LPP: variants seen among roughly 807,000 people sequenced by gnomAD.
LPP encodes LIM domain containing preferred translocation partner in lipoma, also known as lipoma-preferred partner.
LPP carries 38 observed loss-of-function variants against 60.4 expected under a neutral mutation model. The ratio of observed to expected loss-of-function variants is 0.63; its 90% CI spans 0.49 to 0.83. LPP has a LOEUF of 0.83. LPP is among the 40% of genes least tolerant of loss of function. LPP has a pLI of 0.00. For missense variants in LPP, 902 were observed against 783.6 expected (o/e 1.15, Z -1.80); for synonymous variants, 328 against 290.8 (o/e 1.13, Z -1.30).
chr3:188,706,704 T>C (rs1052950176), intron 7 of LPP, among the ~76,000 whole-genome samples: 7 of 152,220 alleles, frequency 4.6e-5, no homozygotes, highest in African/African-American at 7.2e-5. Flanking sequence ...AGAGCTCACT[T>C]GGTGTAGTGA....
chr3:188,687,173 G>A (rs548322681), intron 7 of LPP, among the ~76,000 whole-genome samples: 5 of 152,132 alleles, frequency 3.3e-5, no homozygotes, highest in Admixed American at 1.3e-4. Flanking sequence ...CATCTAGTTC[G>A]GTTTCAGCTG....
At chr3:188,197,827 G>C (rs993678702) in intron 1 of LPP, among the ~76,000 whole-genome samples, 4 of 152,184 alleles carry the variant, frequency 2.6e-5, no homozygotes, top group African/African-American at 9.7e-5. Flanking sequence ...ACCCCGTTAT[G>C]TCTGGGCTGT....
chr3:188,217,051 G>C lies in LPP; in HGVS notation c.-189-8354G>C, dbSNP rs1713915569. On this transcript the variant is annotated intron_variant, in intron 1 of 11. Coordinates refer to ENST00000617246, the MANE Select transcript of LPP (RefSeq NM_001375462.1). This position sits in a 1 kb window ranked among gnomAD's most constrained non-coding sequence, Gnocchi z 4.0. ...CAAAGAGTAAGACACACACAACAAC[G>C]ATCTCTTGGTGCTTACACGCTGCTG... Among the ~76,000 whole-genome samples the C allele has an allele frequency of 6.6e-6, 1 of 152,188 alleles. No homozygotes were observed. Among genetic ancestry groups the C allele is most frequent in the Non-Finnish European group, 1.5e-5 (1 of 68,032 alleles).
In LPP at chr3:188,388,968, G is replaced by C. The variant is rs554284838; in HGVS notation, c.-9-17144G>C. 6.0e-5 allele frequency among the ~76,000 whole-genome samples: 9 copies of C among 150,980 alleles called. 1 individual carries two copies. The South Asian group carries it at 1.9e-3, about 31-fold the overall frequency. On this transcript the variant is annotated intron_variant, in intron 3 of 11. Coordinates refer to ENST00000617246, the MANE Select transcript of LPP (RefSeq NM_001375462.1). ...TAGAGAATATGTAGGTTTATAGGAA[G>C]AGTCATAATATTGTGAATGTTAATT...
At chr3:188,656,714 A>G (rs1326880698) in intron 7 of LPP, among the ~76,000 whole-genome samples, 2 of 152,202 alleles carry the variant, frequency 1.3e-5, no homozygotes, top group African/African-American at 4.8e-5. Flanking sequence ...TTGTAAGCAC[A>G]TCACACTCAT....
intron 4 of LPP, among the ~76,000 whole-genome samples, chr3:188,411,490 G>C (rs570030429): frequency 6.6e-6 from 1 of 152,188 alleles, no homozygotes; most frequent in East Asian, 1.9e-4. Flanking sequence ...AATTCTTAAA[G>C]ATTTTATAGT....
intron 6 of LPP, among the ~76,000 whole-genome samples, chr3:188,543,399 A>G (rs913993706): frequency 6.6e-6 from 1 of 152,212 alleles, no homozygotes; most frequent in African/African-American, 2.4e-5. Context: ...GAATCTGTAT[A>G]TAGCTTAGCT....
At chr3:188,319,028 G>A (rs563317428) in intron 2 of LPP, among the ~76,000 whole-genome samples, 78 of 152,212 alleles carry the variant, frequency 5.1e-4, no homozygotes, top group African/African-American at 1.7e-3. Context: ...AAAGTGCTGG[G>A]ATTACAGGCG....
intron 4 of LPP, among the ~76,000 whole-genome samples, chr3:188,473,870 G>T (rs555685617): frequency 6.6e-6 from 1 of 152,280 alleles, no homozygotes; most frequent in African/African-American, 2.4e-5. Flanking sequence ...GAAGGCTAGG[G>T]TGCCCCCATA....
chr3:188,323,615 G>T (rs1242402304), intron 2 of LPP, among the ~76,000 whole-genome samples: 1 of 152,220 alleles, frequency 6.6e-6, no homozygotes, highest in East Asian at 1.9e-4. Flanking sequence ...CACTCAAGTT[G>T]CATTCTCCTT....
At chr3:188,587,569 T>A (rs1837749669) in intron 6 of LPP, among the ~76,000 whole-genome samples, 1 of 152,234 alleles carries the variant, frequency 6.6e-6, no homozygotes, top group Admixed American at 6.5e-5. Context: ...TTTCCAAAAC[T>A]TTATTAAGAA....
At chr3:188,464,458 GC>G (rs1799873855) in intron 4 of LPP, among the ~76,000 whole-genome samples, 2 of 152,152 alleles carry the variant, frequency 1.3e-5, no homozygotes, top group African/African-American at 4.8e-5. Flanking sequence ...TCCCACCACT[GC>G]AGAAAGTTCT....
intron 2 of LPP, among the ~76,000 whole-genome samples, chr3:188,264,282 A>AGG (rs1198838434): frequency 1.3e-5 from 2 of 151,810 alleles, no homozygotes; most frequent in Non-Finnish European, 2.9e-5. Flanking sequence ...AGAGAGAGAG[A>AGG]GACAGAGAGG....
At chr3:188,607,352 G>C (rs1439476520) in intron 6 of LPP, among the ~76,000 whole-genome samples, 1 of 120,674 alleles carries the variant, frequency 8.3e-6, no homozygotes, top group Non-Finnish European at 1.7e-5. Flanking sequence ...TATTATAACT[G>C]TATGTTTGAA....
intron 2 of LPP, among the ~76,000 whole-genome samples, chr3:188,294,956 A>AT (rs959425121): frequency 2.6e-5 from 4 of 151,838 alleles, no homozygotes; most frequent in Non-Finnish European, 5.9e-5. Context: ...CTCACAAAGG[A>AT]TTTTTTCATT....
rs184361757 is a variant in LPP, at chr3:188,826,654, A to G, written c.1411-39546A>G. ...TTCTCTGCCTTGAATTCCCTCCCTCAAGCTCCCCACACCAGCACCACCAGC... is the reference window on the plus strand; with the variant it reads ...TTCTCTGCCTTGAATTCCCTCCCTCGAGCTCCCCACACCAGCACCACCAGC... On this transcript the variant is annotated intron_variant, in intron 9 of 11. Coordinates refer to ENST00000617246, the MANE Select transcript of LPP (RefSeq NM_001375462.1). 4.0e-4 allele frequency among the ~76,000 whole-genome samples: 60 copies of G among 151,882 alleles called. 1 individual carries two copies. The highest frequency in any genetic ancestry group is 1.4e-3 in the African/African-American group (57 of 41,402).
intron 2 of LPP, among the ~76,000 whole-genome samples, chr3:188,316,076 C>T (rs981153266): frequency 6.6e-6 from 1 of 152,084 alleles, no homozygotes; most frequent in Non-Finnish European, 1.5e-5. Flanking sequence ...GAGTTTAAGA[C>T]CAGCTTGGCC....
intron 9 of LPP, among the ~76,000 whole-genome samples, chr3:188,808,475 G>A (rs1171420886): frequency 6.6e-6 from 1 of 151,968 alleles, no homozygotes. Flanking sequence ...CCCTACCTAT[G>A]ATGAGTTATC....
intron 9 of LPP, among the ~76,000 whole-genome samples, chr3:188,860,942 A>G (rs1404045053): frequency 6.6e-6 from 1 of 152,204 alleles, no homozygotes; most frequent in Non-Finnish European, 1.5e-5. Flanking sequence ...TAGCAGAGAG[A>G]GTCTCCATTG....
Sources: gnomAD v4.1 joint callset for allele counts (sites outside exome capture counted in the v4.1 genomes callset) on GRCh38, gnomAD v4.1.1 for gene constraint, Gnocchi (gnomAD v3.1) non-coding constraint, MANE v1.5 for transcripts, NCBI Gene and HGNC (gene_info 2026-07-23, HGNC 2026-07-21) for gene names.